Variants in DCP2 observed in about 807,000 individuals in gnomAD.
DCP2 encodes the protein decapping mRNA 2.
A neutral mutation model predicts 56.1 loss-of-function variants in DCP2; 30 were observed. The observed-to-expected ratio is 0.53, with a 90% confidence interval of 0.40 to 0.73. The LOEUF is 0.73. Among genes scored for constraint, DCP2 ranks in the 30% least tolerant of loss-of-function variants. The pLI is 0.00. For missense variants in DCP2, 533 were observed against 502.7 expected (o/e 1.06, Z -0.58); for synonymous variants, 197 against 163.3 (o/e 1.21, Z -1.57).
chr5:112,983,710 T>C (rs868648077), intron 1 of DCP2, among the ~76,000 whole-genome samples: 1 of 152,028 alleles, frequency 6.6e-6, no homozygotes, highest in South Asian at 2.1e-4. Context: ...AAAAAAAAGG[T>C]CATATACAAA....
chr5:113,010,291 A>G (rs1254124519), intron 9 of DCP2, among the ~76,000 whole-genome samples: 1 of 148,220 alleles, frequency 6.7e-6, no homozygotes, highest in African/African-American at 2.5e-5. Flanking sequence ...AGTGATCCTC[A>G]TGCTCTGGCT....
At chr5:112,992,837 A>G (rs1748655222) in intron 4 of DCP2, 67 bp downstream of exon 4, 10 of 1,221,688 alleles carry the variant, frequency 8.2e-6, no homozygotes, top group Admixed American at 2.9e-5. Flanking sequence ...TTTTTTAGCC[A>G]TATAGACTTA....
chr5:113,005,083 C>T (rs903305162), intron 8 of DCP2, among the ~76,000 whole-genome samples: 38 of 151,492 alleles, frequency 2.5e-4, no homozygotes, highest in Admixed American at 2.0e-4. Context: ...GAGCCAAGAT[C>T]GCGCCATTGC....
chr5:112,989,467 C>T (rs899307569), intron 2 of DCP2, among the ~76,000 whole-genome samples: 1 of 151,508 alleles, frequency 6.6e-6, no homozygotes, highest in Non-Finnish European at 1.5e-5. Context: ...TAGAAGCCTT[C>T]TCTGAGATAG....
intron 4 of DCP2, among the ~76,000 whole-genome samples, chr5:113,000,187 G>C (rs1428000558): frequency 6.6e-6 from 1 of 151,860 alleles, no homozygotes; most frequent in Non-Finnish European, 1.5e-5. Flanking sequence ...CGAACACCTG[G>C]GCTCAAGTGA....
intron 2 of DCP2, 38 bp from the exon 3 acceptor site, chr5:112,992,083 A>G (rs1169458244): frequency 6.2e-6 from 10 of 1,608,154 alleles, no homozygotes; most frequent in Non-Finnish European, 7.6e-6. Flanking sequence ...CTCAAGCCAT[A>G]TTAAAGGAGA....
rs1323442378 is a variant in DCP2 at position 113,019,463 on chromosome 5, C to A, written c.*5979C>A. The A allele has an allele frequency of 6.6e-6, 1 of 151,950 alleles. No individual in the cohort carries two copies. Among genetic ancestry groups the A allele is most frequent in the African/African-American group, 2.4e-5 (1 of 41,288 alleles). The allele number at this position is 151,950 out of a possible 1,614,324, so 9.4% of individuals were successfully genotyped here. A position where few individuals can be genotyped will look rare whatever the true frequency, so the allele number is the denominator to read the frequency against. On this transcript the variant is annotated 3_prime_UTR_variant, in exon 11 of 11. Coordinates refer to ENST00000389063, the MANE Select transcript of DCP2 (RefSeq NM_152624.6). ...CTAGGGGACTGCTGTCTCTTTGGTT[C>A]CTTTTAGGTTTGTGTTAGGATGTTG...
rs1187592157 is a variant in DCP2 at position 113,019,799 on chromosome 5, T to C, written c.*6315T>C. The C allele has an allele frequency of 1.3e-5, 2 of 152,226 alleles. No homozygotes were observed. Among genetic ancestry groups the C allele is most frequent in the East Asian group, 1.9e-4 (1 of 5,206 alleles). The allele number at this position is 152,226 out of a possible 1,614,324, so 9.4% of individuals were successfully genotyped here. Reference sequence around the variant, plus strand: ...CTAGATCCATGTACAATTCAGACTTTTATCTGTTAGCTTTAATAAAAATTT... The same window carrying C: ...CTAGATCCATGTACAATTCAGACTTCTATCTGTTAGCTTTAATAAAAATTT... On this transcript the variant is annotated 3_prime_UTR_variant, in exon 11 of 11. Transcript: ENST00000389063.
chr5:113,016,050 T>C lies in DCP2; in HGVS notation c.*2566T>C, dbSNP rs1192444734. The C allele has an allele frequency of 1.3e-5, 2 of 152,694 alleles. No homozygotes were observed. Among genetic ancestry groups the C allele is most frequent in the Non-Finnish European group, 1.5e-5 (1 of 68,038 alleles). The allele number at this position is 152,694 out of a possible 1,614,324, so 9.5% of individuals were successfully genotyped here. On this transcript the variant is annotated 3_prime_UTR_variant, in exon 11 of 11. Transcript: ENST00000389063. The stretch of plus-strand genomic sequence containing the variant: ...TTTTAAATGTTACGTTCCAACCTTA[T>C]ATGTTCCAAGGTGCAGTGCACTGTG...
rs188453775 is a variant in DCP2, at chr5:112,978,753, A to G, written c.53+1767A>G. On this transcript the variant is annotated intron_variant, in intron 1 of 10. Transcript: ENST00000389063. ...TGGGTTAATGACTAGACGCACATCA[A>G]CCAATAGTGGGATTATGAGATTGTG... Among the ~76,000 whole-genome samples the G allele has an allele frequency of 2.1e-3, 325 of 151,922 alleles. 3 individuals are homozygous for G. The highest frequency in any genetic ancestry group is 7.4e-3 in the African/African-American group (307 of 41,490).
chr5:112,999,329 C>A (rs1054264630), intron 4 of DCP2, among the ~76,000 whole-genome samples: 2 of 151,668 alleles, frequency 1.3e-5, no homozygotes. Context: ...AAACCTTTTT[C>A]TGTTGTTTTT....
chr5:112,992,375 C>G, intron 3 of DCP2, 127 bp downstream of exon 3: 2 of 1,240,672 alleles, frequency 1.6e-6, no homozygotes, highest in Non-Finnish European at 2.2e-6. Flanking sequence ...TGCTAAAAGG[C>G]CAAGCTTTGT....
intron 7 of DCP2, among the ~76,000 whole-genome samples, chr5:113,002,405 A>G (rs1749220596): frequency 1.3e-5 from 2 of 151,158 alleles, no homozygotes; most frequent in African/African-American, 4.9e-5. Context: ...CCTGGGTGAC[A>G]GAGTGAGACT....
rs943553068 is a variant in DCP2, at chr5:113,016,337, A to G, written c.*2853A>G. On this transcript the variant is annotated 3_prime_UTR_variant, in exon 11 of 11. Coordinates refer to ENST00000389063, the MANE Select transcript of DCP2 (RefSeq NM_152624.6). The stretch of plus-strand genomic sequence containing the variant: ...CATATAGTGTGAGTGAAATTTGATT[A>G]AAGATGTTGGAAAATGAAGTTGGAT... The G allele has an allele frequency of 6.6e-6, 1 of 152,604 alleles. No individual in the cohort carries two copies. The highest frequency in any genetic ancestry group is 6.5e-5 in the Admixed American group (1 of 15,288). The allele number at this position is 152,604 out of a possible 1,614,324, so 9.5% of individuals were successfully genotyped here.
At chr5:112,992,835 C>A in intron 4 of DCP2, 65 bp downstream of exon 4, 3 of 1,248,318 alleles carry the variant, frequency 2.4e-6, no homozygotes, top group Non-Finnish European at 3.3e-6. Context: ...TTTTTTTTAG[C>A]CATATAGACT....
At chr5:113,003,650 T>G (rs949967705) in intron 7 of DCP2, among the ~76,000 whole-genome samples, 9 of 152,176 alleles carry the variant, frequency 5.9e-5, no homozygotes, top group Non-Finnish European at 1.5e-5. Flanking sequence ...GAGTACACTA[T>G]AATCACTTAT....
At chr5:112,981,063 C>G (rs1392577022) in intron 1 of DCP2, among the ~76,000 whole-genome samples, 2 of 152,034 alleles carry the variant, frequency 1.3e-5, no homozygotes, top group Non-Finnish European at 2.9e-5. Flanking sequence ...TGCACCATTG[C>G]CCAGGCATGA....
rs1748621421 is a variant in DCP2 at position 112,992,121 on chromosome 5, T to C, written c.206T>C (p.Val69Ala). ...QCGIRDFAKA[V>A]FSHCPFLLPQ... Reference sequence around the variant, plus strand: ...GTAACTTCCTTGACACTATTTATACTCTTCAGTCATTGTCCGTTTTTGCTG... The same window carrying C: ...GTAACTTCCTTGACACTATTTATACCCTTCAGTCATTGTCCGTTTTTGCTG... Residue 69 changes from valine (V) to alanine (A), a missense_variant and splice_region_variant, in exon 3 of 11, where the codon GTC becomes GCC. Val to Ala is a moderately conservative substitution (Grantham distance 64, BLOSUM62 0). Transcript: ENST00000389063. The C allele has an allele frequency of 1.9e-6, 3 of 1,613,468 alleles. No individual in the cohort carries two copies. Among genetic ancestry groups the C allele is most frequent in the Non-Finnish European group, 2.5e-6 (3 of 1,179,944 alleles).
intron 7 of DCP2, among the ~76,000 whole-genome samples, chr5:113,003,117 G>A (rs1749254969): frequency 6.6e-6 from 1 of 151,422 alleles, no homozygotes; most frequent in African/African-American, 2.4e-5. Context: ...TGGACTAAAT[G>A]CCCTGATGTC....
Sources: allele counts gnomAD v4.1 joint callset (sites outside exome capture counted in the v4.1 genomes callset), GRCh38; gene constraint gnomAD v4.1.1; transcripts MANE v1.5; gene names NCBI Gene and HGNC (gene_info 2026-07-23, HGNC 2026-07-21).